The following ZNF189 variants were observed in gnomAD, a reference collection of about 807,000 sequenced individuals.
The protein encoded by ZNF189 is zinc finger protein 189.
ZNF189 carries 33 observed loss-of-function variants against 53.5 expected under a neutral mutation model. The ratio of observed to expected loss-of-function variants is 0.62; its 90% CI spans 0.47 to 0.82. The LOEUF is 0.82. ZNF189 is among the 40% of genes least tolerant of loss of function. The pLI is 0.00. For missense variants in ZNF189, 711 were observed against 753.9 expected, an observed-to-expected ratio of 0.94 and a Z score of 0.67; for synonymous variants, 247 against 238.8, an observed-to-expected ratio of 1.03 and a Z score of -0.32.
rs534395168 is a variant in ZNF189 at position 101,401,265 on chromosome 9, T to TTTTTAGTTC, written c.160+1262_160+1263insTCTTTTAGT. 3.7e-3 allele frequency among the ~76,000 whole-genome samples: 564 copies of TTTTTAGTTC among 152,332 alleles called. 4 individuals carry two copies. Among genetic ancestry groups the TTTTTAGTTC allele is most frequent in the African/African-American group, 0.013 (537 of 41,576 alleles). ...CACTGATATGCTCACTGCCCTGTTC[T>TTTTTAGTTC]TTTTAGTGACTATTCCAAAAGCTTA... On this transcript the variant is annotated intron_variant, in intron 2 of 2. Coordinates refer to ENST00000339664, the MANE Select transcript of ZNF189 (RefSeq NM_003452.4).
At position 101,399,308 on chromosome 9, in the gene ZNF189, C is replaced by T. The variant is rs1479095110; in HGVS notation, c.33+119C>T. On this transcript the variant is annotated intron_variant, in intron 1 of 2. Transcript: ENST00000339664. ...CCTGACCGCCTCTTTAGGGCCAGCG[C>T]CTTGCAAGGAACTCCCCACTAGTGC... 9.1e-6 allele frequency: 13 copies of T among 1,436,040 alleles called. No homozygotes were observed. In the East Asian group the frequency reaches 2.9e-4, roughly 32 times the overall value. 89.0% of individuals were successfully genotyped at this position (1,436,040 alleles called of 1,614,324 possible).
At position 101,410,623 on chromosome 9, in the gene ZNF189, T is replaced by A. The variant is rs1830905795; in HGVS notation, c.*974T>A. ...GTTATTATAAACCTATTAATTCATC[T>A]GTTTTAACCATTAAAACCTGTTTTG... On this transcript the variant is annotated 3_prime_UTR_variant, in exon 3 of 3. Coordinates refer to ENST00000339664, the MANE Select transcript of ZNF189 (RefSeq NM_003452.4). 6.6e-6 allele frequency: 1 copy of A among 152,264 alleles called. No homozygotes were observed. Among genetic ancestry groups the A allele is most frequent in the Non-Finnish European group, 1.5e-5 (1 of 68,038 alleles). 9.4% of individuals were successfully genotyped at this position (152,264 alleles called of 1,614,324 possible).
chr9:101,407,922 A>G lies in ZNF189; in HGVS notation c.161-7A>G. On this transcript the variant is annotated splice_polypyrimidine_tract_variant and splice_region_variant and intron_variant, in intron 2 of 2. Coordinates refer to ENST00000339664, the MANE Select transcript of ZNF189 (RefSeq NM_003452.4). Reference sequence around the variant, plus strand: ...TTGATCTTTGTATTTCCTTTTTATTATTCCAGATGTTTTGAACAGAGATAA... The same window carrying G: ...TTGATCTTTGTATTTCCTTTTTATTGTTCCAGATGTTTTGAACAGAGATAA... The G allele has an allele frequency of 6.6e-7, 1 of 1,520,146 alleles. No homozygotes were observed. Among genetic ancestry groups the G allele is most frequent in the Non-Finnish European group, 8.8e-7 (1 of 1,138,596 alleles). The allele number at this position is 1,520,146 out of a possible 1,614,324, so 94.2% of individuals were successfully genotyped here.
Position 101,398,934 on chromosome 9 carries a change from G to A in ZNF189, c.-223G>A. ...CGAGGCCTGAAAGGCTGCGTAACCA[G>A]GCAGGAGTAGGGGTTGGGGTTCGGG... On this transcript the variant is annotated 5_prime_UTR_variant, in exon 1 of 3. Coordinates refer to ENST00000339664, the MANE Select transcript of ZNF189 (RefSeq NM_003452.4). The A allele has an allele frequency of 1.6e-6, 1 of 622,526 alleles. No homozygotes were observed. Among genetic ancestry groups the A allele is most frequent in the South Asian group, 1.8e-5 (1 of 54,452 alleles). The allele number at this position is 622,526 out of a possible 1,614,324, so 38.6% of individuals were successfully genotyped here.
chr9:101,410,447 A>G lies in ZNF189; in HGVS notation c.*798A>G, dbSNP rs924277878. 6.6e-6 allele frequency: 1 copy of G among 152,510 alleles called. No individual in the cohort carries two copies. Among genetic ancestry groups the G allele is most frequent in the South Asian group, 2.1e-4 (1 of 4,834 alleles). The allele number at this position is 152,510 out of a possible 1,614,324, so 9.4% of individuals were successfully genotyped here. On this transcript the variant is annotated 3_prime_UTR_variant, in exon 3 of 3. Coordinates refer to ENST00000339664, the MANE Select transcript of ZNF189 (RefSeq NM_003452.4). ...ACCAGGTGCATATGAAAGTGTACATATTATGACTGCCAAGTATTGGAAATG... is the reference window on the plus strand; with the variant it reads ...ACCAGGTGCATATGAAAGTGTACATGTTATGACTGCCAAGTATTGGAAATG...
At chr9:101,406,229 A>AT (rs1264529676) in intron 2 of ZNF189, among the ~76,000 whole-genome samples, 1 of 151,994 alleles carries the variant, frequency 6.6e-6, no homozygotes, top group Non-Finnish European at 1.5e-5. Context: ...CGGTGTTAAG[A>AT]TTTTTTTTCA....
chr9:101,408,047 G>C lies in ZNF189; in HGVS notation c.279G>C (p.Gln93His). 1 of 1,613,928 alleles carries C rather than the reference G, an allele frequency of 6.2e-7. No individual in the cohort carries two copies. The highest frequency in any genetic ancestry group is 8.5e-7 in the Non-Finnish European group (1 of 1,179,978). The change falls in exon 3 of 3, where the codon CAG becomes CAC. Residue 93 changes from glutamine to histidine, a missense_variant. Physicochemically the swap from Gln to His is conservative, Grantham distance 24. Transcript: ENST00000339664. ...CAAGAATCAAAAGTGAAATTGACCA[G>C]GATCCTATGGGTAGAGAAACATTTG... is the stretch of plus-strand genomic sequence containing the variant. ...IVTRIKSEID[Q>H]DPMGRETFEL...
chr9:101,399,745 T>C, intron 1 of ZNF189, 139 bp from the exon 2 acceptor site: 1 of 1,401,512 alleles, frequency 7.1e-7, no homozygotes, highest in Non-Finnish European at 9.8e-7. Context: ...GTTCCCAGAA[T>C]TGGGCAACAT....
chr9:101,408,146 A>G lies in ZNF189; in HGVS notation c.378A>G (p.Glu126=). ...TACCAAGGGAATCTTTGACCCAGGA[A>G]CAGAGAATGTTCAGAGAAAACACTA... The part of the protein sequence containing the change: ...WEIPRESLTQ[E]QRMFRENTNI... The change falls in exon 3 of 3, where the codon GAA becomes GAG. Residue 126 remains glutamate, a synonymous_variant. Coordinates refer to ENST00000339664, the MANE Select transcript of ZNF189 (RefSeq NM_003452.4). The G allele has an allele frequency of 6.2e-7, 1 of 1,614,074 alleles. No homozygotes were observed. The highest frequency in any genetic ancestry group is 8.5e-7 in the Non-Finnish European group (1 of 1,180,004).
intron 2 of ZNF189, among the ~76,000 whole-genome samples, chr9:101,403,639 G>A (rs755688796): frequency 5.3e-5 from 8 of 152,064 alleles, no homozygotes; most frequent in African/African-American, 1.5e-4. Flanking sequence ...GACTCTTTCC[G>A]CAATGACTTG....
intron 1 of ZNF189, chr9:101,399,464 C>T: frequency 7.6e-7 from 1 of 1,316,046 alleles, no homozygotes; most frequent in East Asian, 3.5e-5. Context: ...GTGAGTTCTC[C>T]AGGTGAAGCA....
At chr9:101,404,276 A>G (rs1048004657) in intron 2 of ZNF189, among the ~76,000 whole-genome samples, 5 of 152,228 alleles carry the variant, frequency 3.3e-5, no homozygotes, top group Admixed American at 1.3e-4. Flanking sequence ...GTCTGGTAAT[A>G]TAAGTCATTC....
At chr9:101,406,822 A>G (rs904137287) in intron 2 of ZNF189, among the ~76,000 whole-genome samples, 3 of 152,216 alleles carry the variant, frequency 2.0e-5, no homozygotes, top group African/African-American at 4.8e-5. Context: ...TAGATGTACT[A>G]TATGACACTC....
At position 101,409,057 on chromosome 9, in the gene ZNF189, A is replaced by T. The variant is rs201228134; in HGVS notation, c.1289A>T (p.Tyr430Phe). The T allele has an allele frequency of 2.5e-6, 4 of 1,613,924 alleles. No homozygotes were observed. Among genetic ancestry groups the T allele is most frequent in the Non-Finnish European group, 2.5e-6 (3 of 1,179,992 alleles). The change falls in exon 3 of 3, where the codon TAC becomes TTC. Residue 430 changes from tyrosine (Y) to phenylalanine (F), a missense_variant. By Grantham distance (22) the Tyr-to-Phe change is conservative (BLOSUM62 3). Transcript: ENST00000339664. ...RIHTREKTYP[Y>F]NETKESFDPN... Reference sequence around the variant, plus strand: ...CACACCAGGGAGAAGACTTATCCATACAATGAAACTAAGGAAAGTTTTGAT... The same window carrying T: ...CACACCAGGGAGAAGACTTATCCATTCAATGAAACTAAGGAAAGTTTTGAT...
intron 2 of ZNF189, among the ~76,000 whole-genome samples, chr9:101,400,867 C>T (rs1026922019): frequency 6.6e-6 from 1 of 152,200 alleles, no homozygotes; most frequent in Admixed American, 6.5e-5. Context: ...AACAGACAGG[C>T]TTTCTCCCCT....
At chr9:101,407,004 T>A (rs913690016) in intron 2 of ZNF189, among the ~76,000 whole-genome samples, 3 of 152,200 alleles carry the variant, frequency 2.0e-5, no homozygotes, top group African/African-American at 7.2e-5. Flanking sequence ...GGTAAAGTCA[T>A]AAGCTACCAC....
At chr9:101,406,582 A>AG (rs1366963973) in intron 2 of ZNF189, among the ~76,000 whole-genome samples, 1 of 152,186 alleles carries the variant, frequency 6.6e-6, no homozygotes, top group African/African-American at 2.4e-5. Flanking sequence ...TAAAATTTCT[A>AG]GTAGTTTCTT....
chr9:101,407,467 C>G, intron 2 of ZNF189: 4 of 398,978 alleles, frequency 1.0e-5, no homozygotes, highest in Non-Finnish European at 1.8e-5. Context: ...CTTGCTGCAG[C>G]CTCAACCTGT....
Position 101,408,952 on chromosome 9 carries a change from C to T in ZNF189, c.1184C>T (p.Thr395Ile). The change falls in exon 3 of 3, where the codon ACA (threonine) becomes ATA (isoleucine). Residue 395 changes from threonine to isoleucine, a missense_variant. Coordinates refer to ENST00000339664, the MANE Select transcript of ZNF189 (RefSeq NM_003452.4). ...CNLTRHQRIHTGDKPHKCEEC... is the reference protein window; with the variant it reads ...CNLTRHQRIHIGDKPHKCEEC... ...CTTACTCGTCATCAGAGAATTCACA[C>T]AGGAGACAAGCCCCATAAATGTGAG... The T allele has an allele frequency of 6.2e-7, 1 of 1,614,004 alleles. No homozygotes were observed. The highest frequency in any genetic ancestry group is 8.5e-7 in the Non-Finnish European group (1 of 1,179,972).
Sources: gnomAD v4.1 joint callset for allele counts (sites outside exome capture counted in the v4.1 genomes callset) on GRCh38, gnomAD v4.1.1 for gene constraint, MANE v1.5 for transcripts, NCBI Gene and HGNC (gene_info 2026-07-23, HGNC 2026-07-21) for gene names.